The following DLGAP1 variants were observed in gnomAD, a reference collection of about 807,000 sequenced individuals.
DLGAP1 encodes the protein disks large-associated protein 1.
DLGAP1 carries 11 observed loss-of-function variants against 90.8 expected under a neutral mutation model. That is an observed-to-expected ratio of 0.12 (90% CI 0.08 to 0.20). DLGAP1 has a LOEUF of 0.20. Among genes scored for constraint, DLGAP1 ranks in the 10% least tolerant of loss-of-function variants. The probability of loss-of-function intolerance (pLI) is 1.00; values close to 1 mark genes in which losing one functional copy is unlikely to be tolerated. For synonymous variants in DLGAP1, 558 were observed against 540.7 expected (o/e 1.03, Z -0.44); for missense variants, 1,050 against 1,333.8 (o/e 0.79, Z 3.31).
At chr18:3,938,969 T>C (rs1336238824) in intron 3 of DLGAP1, among the ~76,000 whole-genome samples, 2 of 152,174 alleles carry the variant, frequency 1.3e-5, no homozygotes, top group Non-Finnish European at 2.9e-5. Context: ...GTATACACTA[T>C]GTTCATCACT....
intron 2 of DLGAP1, among the ~76,000 whole-genome samples, chr18:4,049,575 T>C (rs2075103491): frequency 6.6e-6 from 1 of 152,166 alleles, no homozygotes; most frequent in South Asian, 2.1e-4. Flanking sequence ...TCAGTTTCCT[T>C]AGGGAATTCC....
chr18:4,152,179 TG>T (rs1352825983), intron 1 of DLGAP1, among the ~76,000 whole-genome samples: 1 of 152,170 alleles, frequency 6.6e-6, no homozygotes, highest in African/African-American at 2.4e-5. Context: ...TGTAAATACC[TG>T]TAAAGGTCTG....
chr18:4,150,820 T>A (rs113253462), intron 2 of DLGAP1, among the ~76,000 whole-genome samples: 95 of 152,386 alleles, frequency 6.2e-4, no homozygotes, highest in African/African-American at 2.1e-3. Context: ...TAAGAAAAGC[T>A]AACACTATGC....
intron 1 of DLGAP1, among the ~76,000 whole-genome samples, chr18:4,221,661 G>A (rs1417792775): frequency 3.9e-5 from 6 of 152,088 alleles, no homozygotes; most frequent in African/African-American, 1.4e-4. Context: ...GGTAGTTTGA[G>A]CACAAAATCA....
intron 9 of DLGAP1, among the ~76,000 whole-genome samples, chr18:3,559,629 T>A (rs1599236537): frequency 6.7e-6 from 1 of 149,534 alleles, no homozygotes; most frequent in East Asian, 1.9e-4. Flanking sequence ...ATCCACTTTT[T>A]TTTTTTTTTT....
intron 3 of DLGAP1, among the ~76,000 whole-genome samples, chr18:3,972,784 T>C (rs1317115848): frequency 2.6e-5 from 4 of 152,130 alleles, no homozygotes; most frequent in Non-Finnish European, 5.9e-5. Flanking sequence ...CAAATCACAC[T>C]AGCTCCCCCT....
In DLGAP1 at chr18:4,160,724, G is replaced by T. The variant is rs138106964; in HGVS notation, c.-266-9437C>A. 2.1e-4 allele frequency among the ~76,000 whole-genome samples: 32 copies of T among 152,230 alleles called. No individual in the cohort carries two copies. The South Asian group carries it at 3.9e-3, about 19-fold the overall frequency. On this transcript the variant is annotated intron_variant, in intron 1 of 12. Transcript: ENST00000315677. ...GTCTCAATTTCACCTCTCAGTGTTT[G>T]CCTCAAGTCAAATGTGCAGATTTAT...
In DLGAP1 at chr18:3,548,459, GA is replaced by G. The variant is rs560637716; in HGVS notation, c.2058-13845del. 1.6e-3 allele frequency among the ~76,000 whole-genome samples: 206 copies of G among 128,900 alleles called. 1 individual carries two copies. The highest frequency in any genetic ancestry group is 2.5e-3 in the African/African-American group (89 of 35,992). 84.6% of individuals were successfully genotyped at this position (128,900 alleles called of 152,430 possible). A position where few individuals can be genotyped will look rare whatever the true frequency, so the allele number is the denominator to read the frequency against. On this transcript the variant is annotated intron_variant, in intron 9 of 12. Transcript: ENST00000315677. Reference sequence around the variant, plus strand: ...GTAAATAAAAAGGCATCTATAAAAAGAAAAAAAAAAAAAACCTAAAGCTAGC... The same window carrying G: ...GTAAATAAAAAGGCATCTATAAAAAGAAAAAAAAAAAAACCTAAAGCTAGC...
chr18:3,870,605 CATCTATCTATCTATCTATCTATCTATCT>C (rs67573915), intron 4 of DLGAP1, among the ~76,000 whole-genome samples: 9 of 148,228 alleles, frequency 6.1e-5, no homozygotes, highest in Middle Eastern at 3.5e-3. Context: ...TACATAAATA[CATCTATCTATCTATCTATCTATCTATCT>C]ATCTATCTAT....
At chr18:3,922,508 T>C (rs1434000169) in intron 3 of DLGAP1, among the ~76,000 whole-genome samples, 1 of 152,248 alleles carries the variant, frequency 6.6e-6, no homozygotes, top group African/African-American at 2.4e-5. Context: ...GGTTTTTCTT[T>C]TGTGTCATGC....
At chr18:4,343,873 C>T (rs996496336) in intron 1 of DLGAP1, among the ~76,000 whole-genome samples, 20 of 152,044 alleles carry the variant, frequency 1.3e-4, no homozygotes, top group South Asian at 4.1e-4. Context: ...TAATCTCCTC[C>T]GGAAAGGATC....
intron 9 of DLGAP1, among the ~76,000 whole-genome samples, chr18:3,566,902 A>G (rs536787820): frequency 1.4e-4 from 21 of 152,228 alleles, no homozygotes; most frequent in African/African-American, 4.6e-4. Context: ...ATTCTCATTT[A>G]CAACATGAAA....
intron 5 of DLGAP1, among the ~76,000 whole-genome samples, chr18:3,781,054 C>A (rs1044553482): frequency 6.6e-6 from 1 of 152,126 alleles, no homozygotes; most frequent in Non-Finnish European, 1.5e-5. Flanking sequence ...TCTTGAACCC[C>A]TGGGCTTAAG....
rs71160926 is a variant in DLGAP1 at position 3,976,191 on chromosome 18, C to CAAT, written c.-73+28922_-73+28924dup. On this transcript the variant is annotated intron_variant, in intron 3 of 12. Transcript: ENST00000315677. Reference sequence around the variant, plus strand: ...GAGAAACCCGTCTCTACTAAAAATACAATAATAATAATAATAATAATAATA... The same window carrying CAAT: ...GAGAAACCCGTCTCTACTAAAAATACAATAATAATAATAATAATAATAATAATA... Among the ~76,000 whole-genome samples the CAAT allele has an allele frequency of 5.9e-3, 790 of 132,788 alleles. 7 individuals are homozygous for CAAT. Among genetic ancestry groups the CAAT allele is most frequent in the African/African-American group, 0.019 (567 of 30,588 alleles). The allele number at this position is 132,788 out of a possible 152,430, so 87.1% of individuals were successfully genotyped here. A position where few individuals can be genotyped will look rare whatever the true frequency, so the allele number is the denominator to read the frequency against.
chr18:4,208,521 T>C (rs1393526167), intron 1 of DLGAP1, among the ~76,000 whole-genome samples: 1 of 152,214 alleles, frequency 6.6e-6, no homozygotes, highest in Non-Finnish European at 1.5e-5. Flanking sequence ...ATTTCCATTA[T>C]GCCAGTAACA....
chr18:3,681,689 C>T (rs78129035), intron 7 of DLGAP1, among the ~76,000 whole-genome samples: 1 of 152,150 alleles, frequency 6.6e-6, no homozygotes, highest in Non-Finnish European at 1.5e-5. Flanking sequence ...AAATCTCATG[C>T]TTAGTTGTAA....
intron 1 of DLGAP1, among the ~76,000 whole-genome samples, chr18:4,302,997 G>A (rs192644725): frequency 1.4e-4 from 22 of 152,152 alleles, no homozygotes; most frequent in African/African-American, 5.1e-4. Context: ...GATTCTCTGT[G>A]TAATTTTATT....
At chr18:3,895,866 CTG>C (rs1388509749) in intron 3 of DLGAP1, 4 of 152,194 alleles carry the variant, frequency 2.6e-5, no homozygotes, top group Non-Finnish European at 5.9e-5. Context: ...ATTGAAGAAA[CTG>C]TTGTTGAAAA....
chr18:3,682,150 C>T (rs1346511308), intron 7 of DLGAP1, among the ~76,000 whole-genome samples: 6 of 148,946 alleles, frequency 4.0e-5, no homozygotes, highest in Middle Eastern at 3.3e-3. Flanking sequence ...ATAAAAATAA[C>T]GAACGAACTA....
Sources: gnomAD v4.1 joint callset for allele counts (sites outside exome capture counted in the v4.1 genomes callset) on GRCh38, gnomAD v4.1.1 for gene constraint, MANE v1.5 for transcripts, NCBI Gene and HGNC (gene_info 2026-07-23, HGNC 2026-07-21) for gene names.